The following MOB3B variants were observed in gnomAD, a reference collection of about 807,000 sequenced individuals.
The protein encoded by MOB3B is MOB kinase activator 3B, also known as MOB kinase activator-like 2B.
MOB3B carries 7 observed loss-of-function variants against 18.7 expected under a neutral mutation model. The observed-to-expected ratio is 0.37, with a 90% CI of 0.21 to 0.70. MOB3B has a LOEUF of 0.70. MOB3B is among the 30% of genes least tolerant of loss of function. The probability of loss-of-function intolerance (pLI) is 0.52; values close to 1 mark genes in which losing one functional copy is unlikely to be tolerated. For synonymous variants in MOB3B, 111 were observed against 99.9 expected (o/e 1.11, Z -0.66); for missense variants, 253 against 281.3 (o/e 0.90, Z 0.72).
rs368565887 is a variant in MOB3B at position 27,522,209 on chromosome 9, T to C, written c.-199+7346A>G. On this transcript the variant is annotated intron_variant, in intron 1 of 3. Transcript: ENST00000262244. ...GTGAGCCGAGATCGCGCCACTGCAC[T>C]CCAGCCTGGAGACAGAGCAAGACCC... Among the ~76,000 whole-genome samples the C allele has an allele frequency of 4.8e-3, 539 of 111,962 alleles. 4 individuals are homozygous for C. Among genetic ancestry groups the C allele is most frequent in the African/African-American group, 0.018 (511 of 28,400 alleles). The allele number at this position is 111,962 out of a possible 152,430, so 73.5% of individuals were successfully genotyped here. A position where few individuals can be genotyped will look rare whatever the true frequency, so the allele number is the denominator to read the frequency against.
chr9:27,522,432 T>C (rs1012988120), intron 1 of MOB3B, among the ~76,000 whole-genome samples: 18 of 148,796 alleles, frequency 1.2e-4, no homozygotes, highest in African/African-American at 4.4e-4. Flanking sequence ...TATATATATA[T>C]ATATATATAT....
At chr9:27,414,664 T>G (rs1004299213) in intron 2 of MOB3B, among the ~76,000 whole-genome samples, 1 of 152,210 alleles carries the variant, frequency 6.6e-6, no homozygotes, top group Non-Finnish European at 1.5e-5. Context: ...TTCAAAGTGC[T>G]GCCTCACTAC....
chr9:27,455,402 A>G lies in MOB3B; in HGVS notation c.149T>C (p.Leu50Ser), dbSNP rs1353710156. The change falls in exon 2 of 4, where the codon TTG (leucine) becomes TCG (serine). Residue 50 changes from leucine to serine, a missense_variant. By Grantham distance (145) the Leu-to-Ser change is moderately radical (BLOSUM62 -2). Coordinates refer to ENST00000262244, the MANE Select transcript of MOB3B (RefSeq NM_024761.5). ...SGVDLKAAVQ[L>S]PSGEDQNDWV... is the part of the protein sequence containing the mutation. Reference sequence around the variant, plus strand: ...GTCATTCTGGTCCTCCCCACTGGGCAACTGCACAGCCGCCTTCAGGTCCAC... The same window carrying G: ...GTCATTCTGGTCCTCCCCACTGGGCGACTGCACAGCCGCCTTCAGGTCCAC... 21 of 1,614,034 alleles carry G rather than the reference A, an allele frequency of 1.3e-5. No homozygotes were observed. Among genetic ancestry groups the G allele is most frequent in the Non-Finnish European group, 1.7e-5 (20 of 1,180,028 alleles).
intron 1 of MOB3B, among the ~76,000 whole-genome samples, chr9:27,514,935 C>T (rs1158641282): frequency 2.6e-5 from 4 of 152,214 alleles, no homozygotes; most frequent in Non-Finnish European, 4.4e-5. Context: ...GGACATCTCA[C>T]GGTGCTCCCT....
At chr9:27,358,018 C>G (rs910927655) in intron 3 of MOB3B, among the ~76,000 whole-genome samples, 34 of 149,804 alleles carry the variant, frequency 2.3e-4, no homozygotes, top group African/African-American at 8.1e-4. Flanking sequence ...TAGCTATGAT[C>G]TTGCCATTGC....
intron 1 of MOB3B, among the ~76,000 whole-genome samples, chr9:27,495,010 G>C (rs760576833): frequency 6.6e-6 from 1 of 152,146 alleles, no homozygotes; most frequent in Non-Finnish European, 1.5e-5. Context: ...AGAGTGGCAA[G>C]GTTCTTGGGA....
At chr9:27,388,779 G>A (rs540390186) in intron 2 of MOB3B, among the ~76,000 whole-genome samples, 25 of 151,960 alleles carry the variant, frequency 1.6e-4, no homozygotes, top group Admixed American at 1.3e-3. Flanking sequence ...ATCTCAGTAC[G>A]TGCCTTGGCC....
chr9:27,524,271 A>G, intron 1 of MOB3B: 1 of 1,522,512 alleles, frequency 6.6e-7, no homozygotes, highest in Non-Finnish European at 8.8e-7. Flanking sequence ...ATAAAGGCAC[A>G]TGAAGGAAAA....
intron 3 of MOB3B, among the ~76,000 whole-genome samples, chr9:27,352,493 TGC>T: frequency 6.6e-6 from 1 of 152,168 alleles, no homozygotes. Flanking sequence ...AAAATGCTTG[TGC>T]GTCATGCACA....
At chr9:27,492,124 A>G (rs1001065027) in intron 1 of MOB3B, among the ~76,000 whole-genome samples, 5 of 152,188 alleles carry the variant, frequency 3.3e-5, no homozygotes, top group East Asian at 1.9e-4. Context: ...GTATTTGCAC[A>G]TTGCTGTTTG....
At chr9:27,388,489 G>A (rs1821678240) in intron 2 of MOB3B, among the ~76,000 whole-genome samples, 1 of 151,646 alleles carries the variant, frequency 6.6e-6, no homozygotes, top group South Asian at 2.1e-4. Flanking sequence ...AATAGGCTTT[G>A]GGGGAACAGG....
At chr9:27,498,561 G>A (rs1032783808) in intron 1 of MOB3B, among the ~76,000 whole-genome samples, 1 of 152,150 alleles carries the variant, frequency 6.6e-6, no homozygotes, top group African/African-American at 2.4e-5. Flanking sequence ...CAGTACCCTA[G>A]GTTTTGTTCA....
intron 1 of MOB3B, among the ~76,000 whole-genome samples, chr9:27,496,210 C>T (rs140473926): frequency 1.9e-3 from 288 of 152,296 alleles, no homozygotes; most frequent in African/African-American, 6.8e-3. Context: ...CATGCTTAAT[C>T]CTACTGCAGG....
intron 2 of MOB3B, among the ~76,000 whole-genome samples, chr9:27,359,538 C>G (rs1821244003): frequency 6.6e-6 from 1 of 152,174 alleles, no homozygotes; most frequent in African/African-American, 2.4e-5. Flanking sequence ...TAGAGTTATA[C>G]TTGGACCTGC....
intron 1 of MOB3B, among the ~76,000 whole-genome samples, chr9:27,503,048 G>A (rs1268257259): frequency 6.6e-6 from 1 of 152,170 alleles, no homozygotes; most frequent in Non-Finnish European, 1.5e-5. Flanking sequence ...CAGAGAATGA[G>A]AGATGCTGAC....
chr9:27,403,191 G>A (rs899997217), intron 2 of MOB3B, among the ~76,000 whole-genome samples: 11 of 152,194 alleles, frequency 7.2e-5, no homozygotes, highest in Admixed American at 6.5e-4. Flanking sequence ...AAGAAAGGAA[G>A]ACTTAACCTA....
rs1237527012 is a variant in MOB3B at position 27,372,498 on chromosome 9, T to TACTATATATA, written c.419-13263_419-13262insTATATATAGT. Among the ~76,000 whole-genome samples, 41 of 152,184 alleles carry TACTATATATA rather than the reference T, an allele frequency of 2.7e-4. 1 individual carries two copies. Among genetic ancestry groups the TACTATATATA allele is most frequent in the African/African-American group, 9.4e-4 (39 of 41,514 alleles). ...TTGCTTCCAAAGAGTACAGTATAGG[T>TACTATATATA]GGCTTTATAGTCAAGAAACCTGGCA... is the stretch of plus-strand genomic sequence containing the variant. On this transcript the variant is annotated intron_variant, in intron 2 of 3. Transcript: ENST00000262244.
chr9:27,500,543 G>A (rs976184168), intron 1 of MOB3B, among the ~76,000 whole-genome samples: 46 of 152,230 alleles, frequency 3.0e-4, no homozygotes, highest in African/African-American at 7.2e-4. Context: ...CTCGCTAGCC[G>A]TATGTAGAAA....
At chr9:27,432,783 G>C (rs905101888) in intron 2 of MOB3B, among the ~76,000 whole-genome samples, 19 of 152,254 alleles carry the variant, frequency 1.2e-4, no homozygotes, top group Middle Eastern at 3.4e-3. Flanking sequence ...TGCATAACCA[G>C]GAAGTTCTTA....
Sources: allele counts gnomAD v4.1 joint callset (sites outside exome capture counted in the v4.1 genomes callset), GRCh38; gene constraint gnomAD v4.1.1; transcripts MANE v1.5; gene names NCBI Gene and HGNC (gene_info 2026-07-23, HGNC 2026-07-21).